OXR1: variants seen among roughly 807,000 people sequenced by gnomAD.
The protein encoded by OXR1 is oxidation resistance protein 1.
In OXR1, 41 loss-of-function variants were observed where a neutral mutation model predicts 104.6. The observed-to-expected ratio is 0.39, with a 90% CI of 0.31 to 0.51. The LOEUF (loss-of-function observed/expected upper bound fraction) is 0.51, where lower values mean the gene tolerates loss of function less well. OXR1 is among the 20% of genes least tolerant of loss of function. The pLI, the probability that OXR1 is intolerant of heterozygous loss-of-function variation, is 0.77. For missense variants in OXR1, 955 were observed against 1,031.9 expected (o/e 0.93, Z 1.02); for synonymous variants, 348 against 348.4 (o/e 1.00, Z 0.01).
At chr8:106,731,968 G>A (rs546751464) in intron 11 of OXR1, among the ~76,000 whole-genome samples, 72 of 152,148 alleles carry the variant, frequency 4.7e-4, no homozygotes, top group African/African-American at 1.6e-3. Context: ...AAATTGTATT[G>A]AATCCATACA....
At chr8:106,624,715 T>TA (rs1432520136) in intron 3 of OXR1, among the ~76,000 whole-genome samples, 3 of 152,232 alleles carry the variant, frequency 2.0e-5, no homozygotes, top group African/African-American at 7.2e-5. Flanking sequence ...CTCTGCACTG[T>TA]AAAAAACCTT....
At chr8:106,510,105 G>C (rs2130026629) in intron 2 of OXR1, among the ~76,000 whole-genome samples, 1 of 152,258 alleles carries the variant, frequency 6.6e-6, no homozygotes, top group South Asian at 2.1e-4. Flanking sequence ...ATAGGGAGGA[G>C]GCTATGTTAT....
At chr8:106,356,106 A>G (rs1441300960) in intron 1 of OXR1, among the ~76,000 whole-genome samples, 1 of 152,196 alleles carries the variant, frequency 6.6e-6, no homozygotes, top group Non-Finnish European at 1.5e-5. Flanking sequence ...TGATTATGCC[A>G]TCTTTGTTTA....
intron 1 of OXR1, among the ~76,000 whole-genome samples, chr8:106,285,222 A>G (rs776576508): frequency 6.6e-6 from 1 of 152,206 alleles, no homozygotes; most frequent in Non-Finnish European, 1.5e-5. Flanking sequence ...AATTGTGTAC[A>G]TGGCCCTCTC....
At chr8:106,533,487 G>A (rs1390186500) in intron 3 of OXR1, among the ~76,000 whole-genome samples, 1 of 152,118 alleles carries the variant, frequency 6.6e-6, no homozygotes, top group Non-Finnish European at 1.5e-5. Flanking sequence ...CATTGGTTTG[G>A]TATCTATTAG....
intron 6 of OXR1, among the ~76,000 whole-genome samples, chr8:106,690,758 G>A (rs1452976070): frequency 2.6e-5 from 4 of 151,766 alleles, no homozygotes; most frequent in South Asian, 2.1e-4. Flanking sequence ...GGCAATCATC[G>A]TATATATTGG....
At chr8:106,353,822 T>C (rs76232722) in intron 1 of OXR1, among the ~76,000 whole-genome samples, 11,201 of 152,178 alleles carry the variant, frequency 0.074, 430 homozygotes, top group African/African-American at 0.083. Flanking sequence ...TGTTGTGTTG[T>C]ACAATAGATC....
intron 2 of OXR1, among the ~76,000 whole-genome samples, chr8:106,479,308 G>A (rs1389941671): frequency 2.0e-5 from 3 of 151,908 alleles, no homozygotes; most frequent in African/African-American, 7.2e-5. Flanking sequence ...TAATAATTAT[G>A]CATGCCATCA....
chr8:106,403,072 G>A (rs1341627390), intron 2 of OXR1, among the ~76,000 whole-genome samples: 5 of 152,142 alleles, frequency 3.3e-5, no homozygotes, highest in South Asian at 2.1e-4. Context: ...CACCCGTCTC[G>A]GCCTCCCGAA....
intron 2 of OXR1, among the ~76,000 whole-genome samples, chr8:106,475,316 C>T (rs546570514): frequency 4.0e-5 from 6 of 151,800 alleles, no homozygotes; most frequent in East Asian, 1.9e-4. Context: ...AAAATGTTTA[C>T]GAATATCTAA....
intron 2 of OXR1, among the ~76,000 whole-genome samples, chr8:106,494,991 T>A (rs1395644393): frequency 2.0e-5 from 3 of 152,176 alleles, no homozygotes; most frequent in African/African-American, 7.2e-5. Context: ...CCTGGAATAG[T>A]GCCAGACACG....
intron 3 of OXR1, among the ~76,000 whole-genome samples, chr8:106,666,019 G>T (rs1399673684): frequency 2.6e-5 from 4 of 151,956 alleles, no homozygotes; most frequent in Admixed American, 6.6e-5. Flanking sequence ...TTTATGGTAA[G>T]TACAGACTTC....
At chr8:106,386,908 T>G (rs1205245096) in intron 2 of OXR1, among the ~76,000 whole-genome samples, 1 of 152,172 alleles carries the variant, frequency 6.6e-6, no homozygotes, top group Non-Finnish European at 1.5e-5. Context: ...AAGGCTTTTT[T>G]AAGAAGATTA....
intron 3 of OXR1, among the ~76,000 whole-genome samples, chr8:106,590,927 A>G (rs1819030951): frequency 6.6e-6 from 1 of 152,102 alleles, no homozygotes; most frequent in Admixed American, 6.5e-5. Context: ...TTTTGGTAGC[A>G]TGAGTGGACC....
At chr8:106,388,498 C>T (rs1030180504) in intron 2 of OXR1, among the ~76,000 whole-genome samples, 6 of 151,908 alleles carry the variant, frequency 3.9e-5, no homozygotes, top group Admixed American at 1.3e-4. Flanking sequence ...TCTCTGCTCA[C>T]GGCAACCTCT....
intron 4 of OXR1, among the ~76,000 whole-genome samples, chr8:106,681,981 G>A (rs1468317309): frequency 6.6e-6 from 1 of 152,112 alleles, no homozygotes; most frequent in Non-Finnish European, 1.5e-5. Context: ...TGTCAGTTCT[G>A]TTATCTTCAC....
intron 2 of OXR1, among the ~76,000 whole-genome samples, chr8:106,492,264 T>A (rs1811140793): frequency 6.6e-6 from 1 of 152,228 alleles, no homozygotes. Flanking sequence ...GCAAGTGCTA[T>A]GTGTTGCTAA....
chr8:106,476,048 G>T (rs866650399), intron 2 of OXR1, among the ~76,000 whole-genome samples: 44 of 141,896 alleles, frequency 3.1e-4, no homozygotes, highest in African/African-American at 1.3e-3. Context: ...TAACAATGAT[G>T]GTAGCTTCAA....
intron 3 of OXR1, among the ~76,000 whole-genome samples, chr8:106,549,107 AT>A (rs1329120175): frequency 1.3e-5 from 2 of 152,224 alleles, no homozygotes; most frequent in Non-Finnish European, 2.9e-5. Flanking sequence ...AATCTAAGAT[AT>A]GGCTATTTCC....
Sources: gnomAD v4.1 joint callset for allele counts (sites outside exome capture counted in the v4.1 genomes callset) on GRCh38, gnomAD v4.1.1 for gene constraint, MANE v1.5 for transcripts, NCBI Gene and HGNC (gene_info 2026-07-23, HGNC 2026-07-21) for gene names.